UBE2E3: variants seen among roughly 807,000 people sequenced by gnomAD.
UBE2E3 encodes ubiquitin-conjugating enzyme E2 E3.
A neutral mutation model predicts 23.6 loss-of-function variants in UBE2E3; 5 were observed. The observed-to-expected ratio is 0.21, with a 90% CI of 0.11 to 0.44. UBE2E3 has a LOEUF of 0.44. Ranked by LOEUF, UBE2E3 falls within the 20% of genes least tolerant of loss-of-function variation. The pLI, the probability that UBE2E3 is intolerant of heterozygous loss-of-function variation, is 0.99. For synonymous variants in UBE2E3, 78 were observed against 87.5 expected (o/e 0.89, Z 0.60); for missense variants, 81 against 249.8 (o/e 0.32, Z 4.55).
chr2:181,030,806 A>G (rs1051918707), intron 3 of UBE2E3, among the ~76,000 whole-genome samples: 2 of 152,068 alleles, frequency 1.3e-5, no homozygotes, highest in Non-Finnish European at 2.9e-5. Context: ...GAATTTTTCT[A>G]GGAATTAGAG....
chr2:181,057,946 T>C (rs1295466509), intron 4 of UBE2E3, 121 bp downstream of exon 4: 29 of 1,092,122 alleles, frequency 2.7e-5, no homozygotes, highest in Middle Eastern at 2.3e-4. Flanking sequence ...TGGATTGATA[T>C]GGAAATTTTC....
At chr2:180,983,605 CT>C (rs544630209) in intron 2 of UBE2E3, among the ~76,000 whole-genome samples, 183 of 152,242 alleles carry the variant, frequency 1.2e-3, no homozygotes, top group Middle Eastern at 3.4e-3. Flanking sequence ...ATTGTCAGAA[CT>C]GTTAATGTGC....
intron 3 of UBE2E3, among the ~76,000 whole-genome samples, chr2:181,023,897 A>G (rs1685788324): frequency 6.6e-6 from 1 of 152,156 alleles, no homozygotes. Context: ...AGCTATAATC[A>G]TTACTACTAT....
intron 3 of UBE2E3, among the ~76,000 whole-genome samples, chr2:180,985,388 C>T (rs1049566571): frequency 2.6e-5 from 4 of 151,894 alleles, no homozygotes; most frequent in African/African-American, 9.7e-5. Flanking sequence ...ATTTTAAAAA[C>T]TTAGTACAAC....
intron 3 of UBE2E3, among the ~76,000 whole-genome samples, chr2:181,003,291 A>G (rs1389537687): frequency 6.6e-6 from 1 of 152,262 alleles, no homozygotes; most frequent in African/African-American, 2.4e-5. Flanking sequence ...AACATGAGCT[A>G]ATAATGTATT....
At chr2:181,026,719 G>A (rs902170028) in intron 3 of UBE2E3, among the ~76,000 whole-genome samples, 5 of 151,378 alleles carry the variant, frequency 3.3e-5, no homozygotes, top group South Asian at 2.1e-4. Context: ...TCATTACCTC[G>A]ACTGGACTGC....
chr2:181,032,692 C>A (rs57230918), intron 3 of UBE2E3, among the ~76,000 whole-genome samples: 35,335 of 152,022 alleles, frequency 0.23, 4,477 homozygotes, highest in Non-Finnish European at 0.28. Context: ...AACAAAGTTG[C>A]AAAAATGTAA....
At chr2:181,002,684 G>A (rs979275177) in intron 3 of UBE2E3, among the ~76,000 whole-genome samples, 2 of 152,132 alleles carry the variant, frequency 1.3e-5, no homozygotes, top group African/African-American at 4.8e-5. Flanking sequence ...TTTTTGTACA[G>A]TGTTTTTGAA....
intron 3 of UBE2E3, among the ~76,000 whole-genome samples, chr2:181,031,951 G>T (rs1453190594): frequency 6.6e-6 from 1 of 151,816 alleles, no homozygotes; most frequent in African/African-American, 2.4e-5. Flanking sequence ...AGTTTGTCCG[G>T]CTCACAAATG....
chr2:181,039,049 C>T (rs906946076), intron 3 of UBE2E3, among the ~76,000 whole-genome samples: 1 of 150,930 alleles, frequency 6.6e-6, no homozygotes, highest in Non-Finnish European at 1.5e-5. Context: ...CCATGTGACT[C>T]AGTGTTACTG....
intron 3 of UBE2E3, chr2:180,987,512 G>A (rs1051491000): frequency 5.2e-6 from 6 of 1,158,126 alleles, no homozygotes; most frequent in African/African-American, 3.1e-5. Context: ...ATATTTGGGG[G>A]TATTTGTATT....
intron 3 of UBE2E3, among the ~76,000 whole-genome samples, chr2:180,984,936 G>A (rs759625855): frequency 2.0e-5 from 3 of 152,024 alleles, no homozygotes; most frequent in Admixed American, 1.3e-4. Context: ...AGAGATATGT[G>A]CTCAATAATG....
Position 180,987,273 on chromosome 2 carries a change from G to A in UBE2E3, c.245+3180G>A, listed in dbSNP as rs571603756. 4 of 1,518,942 alleles carry A rather than the reference G, an allele frequency of 2.6e-6. No individual in the cohort carries two copies. The Admixed American group carries it at 6.2e-5, about 23-fold the overall frequency. 94.1% of individuals were successfully genotyped at this position (1,518,942 alleles called of 1,614,324 possible). On this transcript the variant is annotated intron_variant, in intron 3 of 5. Coordinates refer to ENST00000410062, the MANE Select transcript of UBE2E3 (RefSeq NM_006357.4). ...GCATTTCCCTATTTGTATTTATTGA[G>A]AATTGTTGACTAGAATTGTTTAGTG...
intron 3 of UBE2E3, among the ~76,000 whole-genome samples, chr2:181,014,584 C>A (rs565712601): frequency 2.9e-4 from 44 of 152,172 alleles, no homozygotes; most frequent in Non-Finnish European, 4.6e-4. Context: ...TGGAAGAAAA[C>A]AAAGAGGTTG....
intron 3 of UBE2E3, among the ~76,000 whole-genome samples, chr2:181,004,736 A>G (rs1004190176): frequency 6.6e-6 from 1 of 152,248 alleles, no homozygotes; most frequent in African/African-American, 2.4e-5. Context: ...ACATGCTTAC[A>G]GCATGTTTCT....
chr2:180,994,596 G>A (rs1479940645), intron 3 of UBE2E3, among the ~76,000 whole-genome samples: 1 of 152,148 alleles, frequency 6.6e-6, no homozygotes, highest in African/African-American at 2.4e-5. Context: ...CTTCCCCACA[G>A]TTATTTGAGT....
intron 3 of UBE2E3, among the ~76,000 whole-genome samples, chr2:181,024,972 A>G (rs1490396659): frequency 2.0e-5 from 3 of 152,054 alleles, no homozygotes; most frequent in Non-Finnish European, 2.9e-5. Flanking sequence ...AGGAACTTTT[A>G]TGATCTGTTT....
chr2:181,013,932 G>A (rs543409819), intron 3 of UBE2E3, among the ~76,000 whole-genome samples: 57 of 152,154 alleles, frequency 3.7e-4, no homozygotes, highest in Non-Finnish European at 5.4e-4. Context: ...CTACAGAAGG[G>A]AGAGCAAGAG....
chr2:181,009,409 C>G (rs1685249204), intron 3 of UBE2E3, among the ~76,000 whole-genome samples: 1 of 151,958 alleles, frequency 6.6e-6, no homozygotes, highest in Non-Finnish European at 1.5e-5. Context: ...CAGTTCTTAC[C>G]CATTCTTGAT....
Sources: gnomAD v4.1 joint callset for allele counts (sites outside exome capture counted in the v4.1 genomes callset) on GRCh38, gnomAD v4.1.1 for gene constraint, MANE v1.5 for transcripts, NCBI Gene and HGNC (gene_info 2026-07-23, HGNC 2026-07-21) for gene names.